ESRRB: variants seen among roughly 807,000 people sequenced by gnomAD.
The protein encoded by ESRRB is estrogen related receptor beta, also known as steroid hormone receptor ERR2.
A neutral mutation model predicts 46.0 loss-of-function variants in ESRRB; 16 were observed. That is an observed-to-expected ratio of 0.35 (90% CI 0.24 to 0.53). The LOEUF is 0.53. ESRRB is among the 20% of genes least tolerant of loss of function. ESRRB has a pLI of 0.93. For missense variants in ESRRB, 488 were observed against 607.4 expected, an observed-to-expected ratio of 0.80 and a Z score of 2.07; for synonymous variants, 246 against 259.6, an observed-to-expected ratio of 0.95 and a Z score of 0.50.
intron 1 of ESRRB, among the ~76,000 whole-genome samples, chr14:76,412,727 A>T (rs975029530): frequency 6.6e-6 from 1 of 152,204 alleles, no homozygotes; most frequent in Non-Finnish European, 1.5e-5. Flanking sequence ...TTCCATTTAC[A>T]TAAGGATTAG....
intron 1 of ESRRB, among the ~76,000 whole-genome samples, chr14:76,397,194 G>A (rs550813907): frequency 1.8e-4 from 27 of 152,210 alleles, no homozygotes; most frequent in Non-Finnish European, 3.2e-4. Flanking sequence ...CAGGGCCTTC[G>A]GATTCAGGTC....
chr14:76,322,128 A>G (rs1735823032), intron 1 of ESRRB, among the ~76,000 whole-genome samples: 1 of 152,154 alleles, frequency 6.6e-6, no homozygotes, highest in South Asian at 2.1e-4. Context: ...TTTTCTTTAA[A>G]AAGGTTTGAG....
chr14:76,388,915 A>T (rs1885353502), intron 1 of ESRRB, among the ~76,000 whole-genome samples: 1 of 152,126 alleles, frequency 6.6e-6, no homozygotes, highest in African/African-American at 2.4e-5. Context: ...TCTGAGTCTC[A>T]GTGCCCTACC....
At position 76,422,653 on chromosome 14, in the gene ESRRB, G is replaced by A. The variant is rs79996912; in HGVS notation, c.51-16688G>A. On this transcript the variant is annotated intron_variant, in intron 1 of 6. Transcript: ENST00000644823. Reference sequence around the variant, plus strand: ...ATTTTCGAGCACTTACAATGTACAGGTGCCCAATGCTTCACATTATTGGGT... The same window carrying A: ...ATTTTCGAGCACTTACAATGTACAGATGCCCAATGCTTCACATTATTGGGT... 1.9e-3 allele frequency among the ~76,000 whole-genome samples: 283 copies of A among 152,272 alleles called. 1 individual carries two copies. The highest frequency in any genetic ancestry group is 3.7e-3 in the Non-Finnish European group (253 of 68,020).
chr14:76,474,816 C>CAAACAAAACAAAACA lies in ESRRB; in HGVS notation c.578-7177_578-7163dup, dbSNP rs138037395. 6.5e-4 allele frequency among the ~76,000 whole-genome samples: 97 copies of CAAACAAAACAAAACA among 149,442 alleles called. 1 individual carries two copies. The highest frequency in any genetic ancestry group is 2.2e-3 in the African/African-American group (89 of 40,574). On this transcript the variant is annotated intron_variant, in intron 3 of 6. Transcript: ENST00000644823. Reference sequence around the variant, plus strand: ...TGGGTGACAAACTGCGACCCTGTCTCAAACAAAACAAAACAAAACAAAACA... The same window carrying CAAACAAAACAAAACA: ...TGGGTGACAAACTGCGACCCTGTCTCAAACAAAACAAAACAAAACAAAACAAAACAAAACAAAACA...
chr14:76,395,974 AC>A (rs1279433256), intron 1 of ESRRB, among the ~76,000 whole-genome samples: 1 of 152,036 alleles, frequency 6.6e-6, no homozygotes, highest in Non-Finnish European at 1.5e-5. Flanking sequence ...AGAGTTCGAT[AC>A]AATTCTGGCC....
At chr14:76,496,616 T>C (rs1890440559) in intron 6 of ESRRB, among the ~76,000 whole-genome samples, 1 of 152,078 alleles carries the variant, frequency 6.6e-6, no homozygotes, top group African/African-American at 2.4e-5. Flanking sequence ...GGGAGAAAGA[T>C]CACCCAGGCA....
At chr14:76,338,675 G>C (rs993369183) in intron 1 of ESRRB, among the ~76,000 whole-genome samples, 2 of 152,224 alleles carry the variant, frequency 1.3e-5, no homozygotes, top group African/African-American at 4.8e-5. Context: ...GCCAGGTGTG[G>C]TGGCTCATGC....
intron 1 of ESRRB, among the ~76,000 whole-genome samples, chr14:76,348,899 G>A (rs77907612): frequency 0.027 from 4,158 of 152,114 alleles, 172 homozygotes; most frequent in African/African-American, 0.094. Flanking sequence ...AAACTTCCAC[G>A]GAGTAATAAG....
chr14:76,365,132 T>A (rs1416488620), intron 1 of ESRRB, among the ~76,000 whole-genome samples: 2 of 152,240 alleles, frequency 1.3e-5, no homozygotes, highest in East Asian at 3.8e-4. Flanking sequence ...AAATGCCAAG[T>A]GGTCACAGAA....
At chr14:76,442,202 G>T (rs1005840061) in intron 2 of ESRRB, among the ~76,000 whole-genome samples, 1 of 152,168 alleles carries the variant, frequency 6.6e-6, no homozygotes, top group African/African-American at 2.4e-5. Flanking sequence ...TCAGCTGGGC[G>T]TGGTGGCTCA....
At chr14:76,465,041 C>G (rs1312831906) in intron 3 of ESRRB, among the ~76,000 whole-genome samples, 3 of 152,168 alleles carry the variant, frequency 2.0e-5, no homozygotes, top group Non-Finnish European at 4.4e-5. Flanking sequence ...CCAGGGGCCA[C>G]TTGGTCACAG....
intron 2 of ESRRB, among the ~76,000 whole-genome samples, chr14:76,459,306 G>A (rs59990014): frequency 0.09 from 13,671 of 152,206 alleles, 712 homozygotes; most frequent in African/African-American, 0.14. Context: ...CCCAGGCAGT[G>A]GGACTAGAGA....
chr14:76,332,798 A>T (rs868421263), intron 1 of ESRRB, among the ~76,000 whole-genome samples: 1,774 of 8,788 alleles, frequency 0.2, 201 homozygotes, highest in Middle Eastern at 0.25. Context: ...ATAAATATAT[A>T]ATATATTTAT....
At chr14:76,442,802 C>CTTTTCTTTT (rs1208857960) in intron 2 of ESRRB, among the ~76,000 whole-genome samples, 1 of 146,834 alleles carries the variant, frequency 6.8e-6, no homozygotes, top group African/African-American at 2.5e-5. Context: ...TTTCTTTTTT[C>CTTTTCTTTT]TTTTCTTTTT....
intron 1 of ESRRB, among the ~76,000 whole-genome samples, chr14:76,403,200 G>A (rs1737876407): frequency 6.6e-6 from 1 of 152,154 alleles, no homozygotes; most frequent in Non-Finnish European, 1.5e-5. Context: ...TTTTGCATTA[G>A]GAACTAGTGT....
At chr14:76,340,501 C>T (rs1358177967) in intron 1 of ESRRB, among the ~76,000 whole-genome samples, 1 of 152,202 alleles carries the variant, frequency 6.6e-6, no homozygotes, top group African/African-American at 2.4e-5. Flanking sequence ...CTTAGCCTCT[C>T]TGGGCTCGGT....
intron 1 of ESRRB, among the ~76,000 whole-genome samples, chr14:76,390,675 C>T (rs576349832): frequency 7.9e-5 from 12 of 152,192 alleles, no homozygotes; most frequent in Admixed American, 7.9e-4. Flanking sequence ...AGTTTTATTT[C>T]TAGAGCATAA....
intron 1 of ESRRB, among the ~76,000 whole-genome samples, chr14:76,429,923 G>A (rs753976403): frequency 1.3e-5 from 2 of 151,864 alleles, no homozygotes; most frequent in African/African-American, 4.8e-5. Context: ...TCGCTGGTTC[G>A]TAACACTTAA....
Sources: allele counts gnomAD v4.1 joint callset (sites outside exome capture counted in the v4.1 genomes callset), GRCh38; gene constraint gnomAD v4.1.1; transcripts MANE v1.5; gene names NCBI Gene and HGNC (gene_info 2026-07-23, HGNC 2026-07-21).